Variants in GULP1 observed in about 807,000 individuals in gnomAD.
The protein encoded by GULP1 is GULP PTB domain containing engulfment adaptor 1.
A neutral mutation model predicts 40.9 loss-of-function variants in GULP1; 19 were observed. The ratio of observed to expected loss-of-function variants is 0.46; its 90% CI spans 0.32 to 0.68. The LOEUF (loss-of-function observed/expected upper bound fraction) is 0.68. Ranked by LOEUF, GULP1 falls within the 30% of genes least tolerant of loss-of-function variation. The pLI is 0.03. For synonymous variants in GULP1, 119 were observed against 117.6 expected (o/e 1.01, Z -0.08); for missense variants, 312 against 362.2 (o/e 0.86, Z 1.12).
chr2:188,481,954 A>G (rs1460426445), intron 3 of GULP1, among the ~76,000 whole-genome samples: 1 of 151,810 alleles, frequency 6.6e-6, no homozygotes, highest in Non-Finnish European at 1.5e-5. Flanking sequence ...ATCCATTAGC[A>G]ATCACAAAAA....
chr2:188,316,233 G>A (rs1468843528), intron 1 of GULP1, among the ~76,000 whole-genome samples: 1 of 152,066 alleles, frequency 6.6e-6, no homozygotes, highest in Non-Finnish European at 1.5e-5. Context: ...AAACTGACAA[G>A]TTTCATCCTG....
rs1434488071 is a variant in GULP1 at position 188,443,165 on chromosome 2, G to C, written c.-44-34494G>C. 3.9e-5 allele frequency among the ~76,000 whole-genome samples: 6 copies of C among 151,956 alleles called. No individual in the cohort carries two copies. The East Asian group carries it at 9.7e-4, about 24-fold the overall frequency. ...AATTAGCAAGTATCCAGAGAGATAT[G>C]GTACACTTAGCTAAAGCGGGCTGTG... is the stretch of plus-strand genomic sequence containing the variant. On this transcript the variant is annotated intron_variant, in intron 2 of 11. Coordinates refer to ENST00000409830, the MANE Select transcript of GULP1 (RefSeq NM_016315.4).
At chr2:188,449,326 T>C (rs974052074) in intron 2 of GULP1, among the ~76,000 whole-genome samples, 9 of 152,128 alleles carry the variant, frequency 5.9e-5, no homozygotes, top group African/African-American at 2.2e-4. Flanking sequence ...TTTCAGTGGG[T>C]TCTGTTTTAC....
chr2:188,583,289 T>A (rs1701687459), intron 9 of GULP1, among the ~76,000 whole-genome samples: 1 of 152,132 alleles, frequency 6.6e-6, no homozygotes, highest in Non-Finnish European at 1.5e-5. Flanking sequence ...TAAGCCTGAT[T>A]TTTTCATCAC....
intron 1 of GULP1, among the ~76,000 whole-genome samples, chr2:188,333,351 T>G (rs1042982511): frequency 1.3e-5 from 2 of 152,086 alleles, no homozygotes; most frequent in Non-Finnish European, 2.9e-5. Context: ...GCAAGCGTTA[T>G]TAAGGGGTTG....
chr2:188,376,422 G>C (rs77364097), intron 1 of GULP1, among the ~76,000 whole-genome samples: 4,134 of 152,236 alleles, frequency 0.027, 200 homozygotes, highest in East Asian at 0.17. Context: ...AAAATAAACT[G>C]TAAGGCAACC....
chr2:188,443,703 T>TTTG (rs2058138101), intron 2 of GULP1, among the ~76,000 whole-genome samples: 1 of 151,562 alleles, frequency 6.6e-6, no homozygotes. Context: ...TTTTTTTTTT[T>TTTG]TGAGACAGAG....
intron 2 of GULP1, among the ~76,000 whole-genome samples, chr2:188,454,306 G>C (rs1399594865): frequency 6.6e-6 from 1 of 152,192 alleles, no homozygotes; most frequent in Non-Finnish European, 1.5e-5. Context: ...GTATGGCTTA[G>C]TCTGGGGTTT....
intron 1 of GULP1, among the ~76,000 whole-genome samples, chr2:188,320,641 AAAAC>A (rs1176384429): frequency 2.0e-5 from 3 of 152,058 alleles, no homozygotes; most frequent in Admixed American, 6.6e-5. Context: ...TAAAAAAAAT[AAAAC>A]AAACAGGCTT....
intron 6 of GULP1, among the ~76,000 whole-genome samples, chr2:188,534,214 T>C (rs1365541563): frequency 2.0e-5 from 3 of 152,152 alleles, no homozygotes; most frequent in African/African-American, 4.8e-5. Context: ...CTTTTCACAA[T>C]AGCAAAAACA....
chr2:188,377,471 G>A (rs930712612), intron 1 of GULP1, among the ~76,000 whole-genome samples: 6 of 152,188 alleles, frequency 3.9e-5, no homozygotes, highest in East Asian at 3.9e-4. Context: ...CTTTCATCAC[G>A]TGTGGAAGCT....
At chr2:188,557,093 T>C (rs546627848) in intron 7 of GULP1, among the ~76,000 whole-genome samples, 10 of 151,942 alleles carry the variant, frequency 6.6e-5, no homozygotes, top group East Asian at 1.9e-4. Context: ...ATCTCCAACA[T>C]TGGAGATTAC....
At chr2:188,583,683 G>A (rs1047065670) in intron 9 of GULP1, among the ~76,000 whole-genome samples, 2 of 152,070 alleles carry the variant, frequency 1.3e-5, no homozygotes, top group Non-Finnish European at 2.9e-5. Context: ...ATTTATTACA[G>A]AAAACTTGAT....
At chr2:188,346,844 G>A (rs574165615) in intron 1 of GULP1, among the ~76,000 whole-genome samples, 14 of 151,384 alleles carry the variant, frequency 9.2e-5, no homozygotes, top group Non-Finnish European at 2.9e-5. Flanking sequence ...GGTGGCAGGC[G>A]CCTGTAATCC....
chr2:188,549,617 T>C (rs1418439328), intron 7 of GULP1, among the ~76,000 whole-genome samples: 1 of 151,770 alleles, frequency 6.6e-6, no homozygotes, highest in East Asian at 1.9e-4. Context: ...AGCTGTCCTA[T>C]GAAATACTTG....
At chr2:188,402,801 A>G (rs1056495598) in intron 2 of GULP1, among the ~76,000 whole-genome samples, 1 of 152,058 alleles carries the variant, frequency 6.6e-6, no homozygotes, top group African/African-American at 2.4e-5. Flanking sequence ...TAACAGTAAT[A>G]ATAATAATAA....
At chr2:188,505,189 A>G (rs1200384459) in intron 4 of GULP1, among the ~76,000 whole-genome samples, 1 of 151,792 alleles carries the variant, frequency 6.6e-6, no homozygotes, top group African/African-American at 2.4e-5. Flanking sequence ...ACTCTGAATA[A>G]AAACCAATTC....
chr2:188,537,033 A>G (rs1559354754), intron 6 of GULP1, among the ~76,000 whole-genome samples: 1 of 151,954 alleles, frequency 6.6e-6, no homozygotes, highest in East Asian at 1.9e-4. Flanking sequence ...CATTGATTTT[A>G]TATCTCGAAA....
chr2:188,337,167 C>G (rs1025513738), intron 1 of GULP1, among the ~76,000 whole-genome samples: 3 of 151,308 alleles, frequency 2.0e-5, no homozygotes, highest in Admixed American at 6.6e-5. Context: ...TTTCCAAAGT[C>G]TTGTTCTGTC....
Sources: gnomAD v4.1 joint callset for allele counts (sites outside exome capture counted in the v4.1 genomes callset) on GRCh38, gnomAD v4.1.1 for gene constraint, MANE v1.5 for transcripts, NCBI Gene and HGNC (gene_info 2026-07-23, HGNC 2026-07-21) for gene names.